P3H2: variants seen among roughly 807,000 people sequenced by gnomAD.
P3H2 encodes the protein prolyl 3-hydroxylase 2.
A neutral mutation model predicts 87.0 loss-of-function variants in P3H2; 80 were observed. The ratio of observed to expected loss-of-function variants is 0.92; its 90% CI spans 0.77 to 1.11. The LOEUF (loss-of-function observed/expected upper bound fraction) is 1.11, where lower values mean the gene tolerates loss of function less well. Ranked by LOEUF, P3H2 falls within the 50% of genes least tolerant of loss-of-function variation. P3H2 has a pLI of 0.00. For synonymous variants in P3H2, 367 were observed against 359.3 expected, an observed-to-expected ratio of 1.02 and a Z score of -0.24; for missense variants, 1,001 against 923.9, an observed-to-expected ratio of 1.08 and a Z score of -1.08.
At chr3:189,972,613 T>A (rs1723209882) in intron 11 of P3H2, among the ~76,000 whole-genome samples, 1 of 144,920 alleles carries the variant, frequency 6.9e-6, no homozygotes, top group Non-Finnish European at 1.5e-5. Flanking sequence ...CAGAAAAGCA[T>A]TTTTTTTTCC....
intron 1 of P3H2, among the ~76,000 whole-genome samples, chr3:190,064,751 T>C (rs1329870604): frequency 6.6e-6 from 1 of 152,146 alleles, no homozygotes; most frequent in Non-Finnish European, 1.5e-5. Context: ...TCATACCGTA[T>C]AGTTTTGAAA....
intron 1 of P3H2, among the ~76,000 whole-genome samples, chr3:190,100,797 T>C (rs1252643892): frequency 2.0e-5 from 3 of 152,104 alleles, no homozygotes; most frequent in Non-Finnish European, 4.4e-5. Flanking sequence ...AGTATGTAAA[T>C]ACAGGCATAC....
intron 6 of P3H2, among the ~76,000 whole-genome samples, chr3:189,985,162 G>A (rs1723650310): frequency 6.6e-6 from 1 of 151,678 alleles, no homozygotes; most frequent in African/African-American, 2.4e-5. Flanking sequence ...AATGAAAAAA[G>A]GTTGTAAATG....
Position 189,966,131 on chromosome 3 carries a change from GAAAGAAAGAA to G in P3H2, c.1894-2043_1894-2034del, listed in dbSNP as rs1404658458. 8.2e-4 allele frequency among the ~76,000 whole-genome samples: 42 copies of G among 51,266 alleles called. 1 individual carries two copies. The Admixed American group carries it at 8.9e-3, about 11-fold the overall frequency. The allele number at this position is 51,266 out of a possible 152,430, so 33.6% of individuals were successfully genotyped here. ...AAAGAAAGAAAGAAAGAAAAAGAAA[GAAAGAAAGAA>G]AGAAAGAAAGAAAGAAAGAAAGAAA... On this transcript the variant is annotated intron_variant, in intron 13 of 14. Coordinates refer to ENST00000319332, the MANE Select transcript of P3H2 (RefSeq NM_018192.4).
intron 1 of P3H2, among the ~76,000 whole-genome samples, chr3:190,004,405 C>T (rs1160812479): frequency 6.6e-6 from 1 of 152,134 alleles, no homozygotes; most frequent in African/African-American, 2.4e-5. Context: ...TATTTCGAGA[C>T]GGAGTCTCGC....
intron 4 of P3H2, 57 bp downstream of exon 4, chr3:189,988,850 T>C (rs1723786604): frequency 1.9e-6 from 3 of 1,603,598 alleles, no homozygotes; most frequent in South Asian, 2.2e-5. Flanking sequence ...AAATGTGATG[T>C]CTGTAATGAT....
chr3:189,995,068 GTTT>G (rs546835053), intron 2 of P3H2, among the ~76,000 whole-genome samples: 4 of 151,546 alleles, frequency 2.6e-5, no homozygotes, highest in Non-Finnish European at 2.9e-5. Context: ...TAATTTTTTA[GTTT>G]TTTTATTTCA....
chr3:190,027,572 ATAAAG>A (rs1323585819), intron 1 of P3H2, among the ~76,000 whole-genome samples: 6 of 152,096 alleles, frequency 3.9e-5, no homozygotes, highest in Non-Finnish European at 7.4e-5. Context: ...TTTCACTAAA[ATAAAG>A]TAGATATTTA....
At chr3:190,121,001 A>G, upstream of P3H2, 1 of 490,250 alleles carries the variant, frequency 2.0e-6, no homozygotes, top group South Asian at 3.2e-5. Flanking sequence ...TCCCCGCTGC[A>G]GCGGCGGGGC....
intron 1 of P3H2, among the ~76,000 whole-genome samples, chr3:190,041,218 G>A (rs1309465661): frequency 7.3e-6 from 1 of 136,978 alleles, no homozygotes; most frequent in African/African-American, 2.7e-5. Flanking sequence ...GCTGCAGTAA[G>A]CCAAGATTGT....
chr3:189,983,244 T>TTATTGTAAACAA, intron 7 of P3H2, 104 bp from the exon 8 acceptor site: 2 of 849,146 alleles, frequency 2.4e-6, no homozygotes, highest in Admixed American at 4.0e-5. Context: ...ATTGTGTATT[T>TTATTGTAAACAA]TATTGTAAAC....
intron 1 of P3H2, among the ~76,000 whole-genome samples, chr3:190,110,923 A>G (rs981446294): frequency 6.6e-6 from 1 of 152,194 alleles, no homozygotes; most frequent in Non-Finnish European, 1.5e-5. Flanking sequence ...TTAAACTGCA[A>G]TCCCCAGAAG....
intron 1 of P3H2, among the ~76,000 whole-genome samples, chr3:190,061,288 T>C (rs531433682): frequency 4.6e-5 from 7 of 152,242 alleles, no homozygotes; most frequent in African/African-American, 1.4e-4. Context: ...ATTAACGCCA[T>C]AGGAATCCCA....
At chr3:190,055,616 C>T (rs371599017) in intron 1 of P3H2, among the ~76,000 whole-genome samples, 3 of 151,272 alleles carry the variant, frequency 2.0e-5, no homozygotes, top group East Asian at 1.9e-4. Flanking sequence ...CAGGCAATGG[C>T]CATAGTTACA....
At chr3:190,001,848 T>C (rs965730573) in intron 1 of P3H2, among the ~76,000 whole-genome samples, 4 of 152,188 alleles carry the variant, frequency 2.6e-5, no homozygotes, top group African/African-American at 9.7e-5. Context: ...CCAACTTGAG[T>C]TAATTTTTCT....
chr3:190,027,865 C>T (rs1725129780), intron 1 of P3H2, among the ~76,000 whole-genome samples: 1 of 151,620 alleles, frequency 6.6e-6, no homozygotes, highest in Admixed American at 6.6e-5. Context: ...TCTCTGGCTT[C>T]ACGGAATACA....
chr3:190,096,206 T>C (rs542090943), intron 1 of P3H2, among the ~76,000 whole-genome samples: 138 of 152,248 alleles, frequency 9.1e-4, no homozygotes, highest in African/African-American at 3.1e-3. Context: ...TAATGAACAA[T>C]TGGGAATATT....
At chr3:189,974,706 G>A in intron 8 of P3H2, 21 bp from the exon 9 acceptor site, 1 of 1,614,144 alleles carries the variant, frequency 6.2e-7, no homozygotes, top group East Asian at 2.2e-5. Context: ...AGAGCACATT[G>A]TCTTCCCTGT....
intron 1 of P3H2, among the ~76,000 whole-genome samples, chr3:190,066,278 C>G (rs1388586667): frequency 6.6e-6 from 1 of 151,278 alleles, no homozygotes; most frequent in African/African-American, 2.4e-5. Flanking sequence ...TATATACATA[C>G]ATATATATGA....
Sources: allele counts gnomAD v4.1 joint callset (sites outside exome capture counted in the v4.1 genomes callset), GRCh38; gene constraint gnomAD v4.1.1; transcripts MANE v1.5; gene names NCBI Gene and HGNC (gene_info 2026-07-23, HGNC 2026-07-21).